Variants in GALNT13 observed in about 807,000 individuals in gnomAD.
GALNT13 encodes polypeptide N-acetylgalactosaminyltransferase 13, also known as UDP-GalNAc:polypeptide N-acetylgalactosaminyltransferase 13.
GALNT13 carries 28 observed loss-of-function variants against 64.2 expected under a neutral mutation model. That is an observed-to-expected ratio of 0.44 (90% CI 0.32 to 0.60). The LOEUF (loss-of-function observed/expected upper bound fraction) is 0.60, where lower values mean the gene tolerates loss of function less well. Among genes scored for constraint, GALNT13 ranks in the 20% least tolerant of loss-of-function variants. GALNT13 has a pLI of 0.05. For synonymous variants in GALNT13, 214 were observed against 224.6 expected (o/e 0.95, Z 0.42); for missense variants, 577 against 669.8 (o/e 0.86, Z 1.53).
At chr2:153,703,269 T>A in the GALNT13 span, among the ~76,000 whole-genome samples, 11 of 152,206 alleles carry the variant, frequency 7.2e-5, no homozygotes, top group Admixed American at 7.2e-4. Context: ...CATTAAAATA[T>A]AATCTTAATT....
chr2:154,086,438 T>C (rs1426598140), intron 3 of GALNT13, among the ~76,000 whole-genome samples: 3 of 148,400 alleles, frequency 2.0e-5, no homozygotes, highest in Non-Finnish European at 4.5e-5. Context: ...TATGTAAATA[T>C]ATAGAATATA....
intron 9 of GALNT13, among the ~76,000 whole-genome samples, chr2:154,390,722 G>A (rs1698750488): frequency 6.6e-6 from 1 of 152,044 alleles, no homozygotes; most frequent in Non-Finnish European, 1.5e-5. Context: ...AATGAAACCT[G>A]CAAACCTGGA....
chr2:153,657,485 C>T, the GALNT13 span, among the ~76,000 whole-genome samples: 1 of 152,148 alleles, frequency 6.6e-6, no homozygotes, highest in Non-Finnish European at 1.5e-5. Context: ...ATACTGATTT[C>T]ACCCCCATTT....
At chr2:153,084,656 A>G in the GALNT13 span, among the ~76,000 whole-genome samples, 1 of 152,294 alleles carries the variant, frequency 6.6e-6, no homozygotes, top group Non-Finnish European at 1.5e-5. Context: ...CCCCTGCACA[A>G]GCTGTCTTGT....
the GALNT13 span, among the ~76,000 whole-genome samples, chr2:153,088,580 C>T: frequency 4.6e-5 from 7 of 152,046 alleles, no homozygotes; most frequent in African/African-American, 9.7e-5. Context: ...CCACTATTAT[C>T]GTGTTGTCAC....
chr2:153,861,483 A>G, the GALNT13 span, among the ~76,000 whole-genome samples: 6 of 151,874 alleles, frequency 4.0e-5, no homozygotes, highest in East Asian at 1.2e-3. Context: ...ACTATTTTCT[A>G]TGGTTTATGA....
chr2:154,041,822 T>C (rs1698995167), intron 3 of GALNT13, among the ~76,000 whole-genome samples: 1 of 140,432 alleles, frequency 7.1e-6, no homozygotes, highest in African/African-American at 2.4e-5. Context: ...TAGATTTTAC[T>C]GCTCTAGTGA....
intron 7 of GALNT13, among the ~76,000 whole-genome samples, chr2:154,247,344 A>G (rs967751389): frequency 1.3e-5 from 2 of 151,932 alleles, no homozygotes; most frequent in African/African-American, 4.8e-5. Context: ...TAGATATTCT[A>G]TTTTCCCAAA....
chr2:154,213,699 G>C (rs966668049), intron 4 of GALNT13, among the ~76,000 whole-genome samples: 1 of 151,868 alleles, frequency 6.6e-6, no homozygotes, highest in African/African-American at 2.4e-5. Context: ...TGAAACTAAA[G>C]CTTGGAAGCC....
intron 1 of GALNT13, among the ~76,000 whole-genome samples, chr2:153,883,421 A>T (rs957466062): frequency 6.6e-6 from 1 of 152,080 alleles, no homozygotes; most frequent in African/African-American, 2.4e-5. Flanking sequence ...ACAACTCAGC[A>T]TACCATACCC....
chr2:153,420,032 A>G, the GALNT13 span, among the ~76,000 whole-genome samples: 7 of 152,208 alleles, frequency 4.6e-5, no homozygotes, highest in African/African-American at 1.4e-4. Flanking sequence ...ATAAGCAAAG[A>G]AAGATGATGT....
At chr2:154,312,448 A>G (rs1014232109) in intron 9 of GALNT13, among the ~76,000 whole-genome samples, 4 of 152,162 alleles carry the variant, frequency 2.6e-5, no homozygotes, top group African/African-American at 7.2e-5. Flanking sequence ...TCATTTTGCC[A>G]TTGAATATTT....
At chr2:153,147,116 G>A in the GALNT13 span, among the ~76,000 whole-genome samples, 4 of 151,404 alleles carry the variant, frequency 2.6e-5, no homozygotes, top group South Asian at 2.1e-4. Context: ...TTCCCAGCAC[G>A]TGCAGCTAAA....
At chr2:153,994,620 A>C (rs7575786) in intron 3 of GALNT13, among the ~76,000 whole-genome samples, 2 of 152,074 alleles carry the variant, frequency 1.3e-5, no homozygotes, top group Non-Finnish European at 2.9e-5. Flanking sequence ...TAACTGGTGT[A>C]AGATGGTATC....
the GALNT13 span, among the ~76,000 whole-genome samples, chr2:153,816,277 G>A: frequency 6.6e-6 from 1 of 152,170 alleles, no homozygotes; most frequent in Non-Finnish European, 1.5e-5. Flanking sequence ...CTGGGCAGGA[G>A]TGAGTCTGAG....
the GALNT13 span, among the ~76,000 whole-genome samples, chr2:153,424,516 A>T: frequency 6.6e-6 from 1 of 151,998 alleles, no homozygotes; most frequent in Middle Eastern, 3.4e-3. Context: ...GCAAATTAAC[A>T]TTAGAAAGAA....
At chr2:154,437,636 C>T in intron 11 of GALNT13, 1 of 680,860 alleles carries the variant, frequency 1.5e-6, no homozygotes, top group Non-Finnish European at 2.3e-6. Context: ...GCAGGTGGAT[C>T]ATGAGGTCGG....
At chr2:153,696,315 A>G in the GALNT13 span, among the ~76,000 whole-genome samples, 1 of 152,188 alleles carries the variant, frequency 6.6e-6, no homozygotes, top group African/African-American at 2.4e-5. Flanking sequence ...CTGTTCTTCC[A>G]TCTTCTCCTG....
At chr2:154,249,587 T>A (rs1689963594) in intron 7 of GALNT13, among the ~76,000 whole-genome samples, 1 of 152,202 alleles carries the variant, frequency 6.6e-6, no homozygotes, top group South Asian at 2.1e-4. Flanking sequence ...CTACTGGTAA[T>A]TTCCAAGTGA....
Sources: gnomAD v4.1 joint callset for allele counts (sites outside exome capture counted in the v4.1 genomes callset) on GRCh38, gnomAD v4.1.1 for gene constraint, MANE v1.5 for transcripts, NCBI Gene and HGNC (gene_info 2026-07-23, HGNC 2026-07-21) for gene names.